RASAL2: variants seen among roughly 807,000 people sequenced by gnomAD.
RASAL2 encodes ras GTPase-activating protein nGAP.
RASAL2 carries 58 observed loss-of-function variants against 128.9 expected under a neutral mutation model. That is an observed-to-expected ratio of 0.45 (90% confidence interval 0.36 to 0.56). The LOEUF (loss-of-function observed/expected upper bound fraction) is 0.56. Ranked by LOEUF, RASAL2 falls within the 20% of genes least tolerant of loss-of-function variation. The pLI is 0.00. For missense variants in RASAL2, 1,360 were observed against 1,601.6 expected, an observed-to-expected ratio of 0.85 and a Z score of 2.57; for synonymous variants, 561 against 580.8, an observed-to-expected ratio of 0.97 and a Z score of 0.49.
chr1:178,101,021 C>T (rs1307884527), intron 1 of RASAL2, among the ~76,000 whole-genome samples: 2 of 152,146 alleles, frequency 1.3e-5, no homozygotes, highest in Non-Finnish European at 2.9e-5. Context: ...CACCTTTCTT[C>T]CCAAAGGCTG....
chr1:178,469,684 T>C (rs141789299), intron 17 of RASAL2, among the ~76,000 whole-genome samples: 2 of 152,300 alleles, frequency 1.3e-5, no homozygotes, highest in Admixed American at 1.3e-4. Context: ...ATGGTTTGGT[T>C]CTCTGGACTA....
chr1:178,242,465 CTCTCTCTCTCTCTCTCTT>C (rs1558135936), intron 1 of RASAL2, among the ~76,000 whole-genome samples: 1 of 89,864 alleles, frequency 1.1e-5, no homozygotes, highest in Non-Finnish European at 2.5e-5. Flanking sequence ...CTCTCTCTCT[CTCTCTCTCTCTCTCTCTT>C]TCATCTCTCT....
At chr1:178,228,563 G>A (rs1352683919) in intron 1 of RASAL2, among the ~76,000 whole-genome samples, 3 of 152,124 alleles carry the variant, frequency 2.0e-5, no homozygotes, top group African/African-American at 7.2e-5. Flanking sequence ...GTAACAGAGC[G>A]AGACTCCGTC....
intron 2 of RASAL2, among the ~76,000 whole-genome samples, chr1:178,290,422 C>T (rs189980991): frequency 2.1e-3 from 322 of 152,124 alleles, no homozygotes; most frequent in South Asian, 0.012. Flanking sequence ...ATAATTGATG[C>T]GGTGCTTTTC....
Position 178,180,663 on chromosome 1 carries a change from T to TCACACACACACACACACACACACA in RASAL2, c.202+85975_202+85998dup, listed in dbSNP as rs3979280. ...GCCTGGGTGATGGAGCGAGACTGTCTCACACACACACACACACACACACAC... is the reference window on the plus strand; with the variant it reads ...GCCTGGGTGATGGAGCGAGACTGTCTCACACACACACACACACACACACACACACACACACACACACACACACAC... On this transcript the variant is annotated intron_variant, in intron 1 of 17. Transcript: ENST00000367649. 4.5e-3 allele frequency among the ~76,000 whole-genome samples: 632 copies of TCACACACACACACACACACACACA among 139,172 alleles called. 3 individuals carry two copies. Among genetic ancestry groups the TCACACACACACACACACACACACA allele is most frequent in the African/African-American group, 8.2e-3 (302 of 36,916 alleles). 91.3% of individuals were successfully genotyped at this position (139,172 alleles called of 152,430 possible). A position where few individuals can be genotyped will look rare whatever the true frequency, so the allele number is the denominator to read the frequency against.
intron 4 of RASAL2, among the ~76,000 whole-genome samples, chr1:178,412,566 A>G (rs1674461819): frequency 1.3e-5 from 2 of 152,216 alleles, no homozygotes; most frequent in African/African-American, 2.4e-5. Context: ...ACTCTGTGCA[A>G]TCTTAACCTT....
intron 3 of RASAL2, among the ~76,000 whole-genome samples, chr1:178,353,826 G>C (rs1231649926): frequency 6.6e-6 from 1 of 152,124 alleles, no homozygotes; most frequent in Non-Finnish European, 1.5e-5. Context: ...AATTATACAA[G>C]GGTGTGGTGG....
intron 7 of RASAL2, 25 bp from the exon 8 acceptor site, chr1:178,442,650 A>G (rs1676739976): frequency 6.4e-7 from 1 of 1,555,516 alleles, no homozygotes; most frequent in African/African-American, 1.4e-5. Context: ...CAGCTCTGAA[A>G]TTCAGCTTTG....
At chr1:178,317,390 TG>T (rs1241371702) in intron 3 of RASAL2, among the ~76,000 whole-genome samples, 3 of 146,214 alleles carry the variant, frequency 2.1e-5, no homozygotes, top group African/African-American at 7.8e-5. Flanking sequence ...CTTGTACCTC[TG>T]GTAGAATTCG....
chr1:178,194,500 T>G (rs1662594587), intron 1 of RASAL2: 1 of 169,804 alleles, frequency 5.9e-6, no homozygotes, highest in Admixed American at 5.8e-5. Context: ...CCGGTAATGA[T>G]GAATTTCTCT....
In RASAL2 at chr1:178,458,296, C is replaced by T. The variant is rs199878912; in HGVS notation, c.3004C>T (p.Arg1002Ter). 10 of 1,614,096 alleles carry T rather than the reference C, an allele frequency of 6.2e-6. No homozygotes were observed. The highest frequency in any genetic ancestry group is 1.6e-4 in the Middle Eastern group (1 of 6,084). Residue 1002 changes from arginine to a stop codon, truncating the protein, a stop_gained, in exon 14 of 18, where the codon CGA (arginine) becomes TGA (stop). Coordinates refer to ENST00000367649, the MANE Select transcript of RASAL2 (RefSeq NM_170692.4). LOFTEE classifies it high-confidence loss of function. ...TAGACACATACCTCTTGCTTTGCCACGACAAAATAGTACTGGGCAGGCCCA... is the reference window on the plus strand; with the variant it reads ...TAGACACATACCTCTTGCTTTGCCATGACAAAATAGTACTGGGCAGGCCCA... ...PDRHIPLALP[R>*]QNSTGQAQIR...
chr1:178,124,911 T>C (rs746053443), intron 1 of RASAL2, among the ~76,000 whole-genome samples: 1 of 152,208 alleles, frequency 6.6e-6, no homozygotes, highest in African/African-American at 2.4e-5. Context: ...TGGTAGAATT[T>C]CCTTTCTCCA....
chr1:178,294,257 G>A (rs1346533387), intron 2 of RASAL2, among the ~76,000 whole-genome samples: 1 of 152,134 alleles, frequency 6.6e-6, no homozygotes, highest in African/African-American at 2.4e-5. Flanking sequence ...CACTGAGAAT[G>A]ATGTTCAGGT....
intron 3 of RASAL2, among the ~76,000 whole-genome samples, chr1:178,349,011 G>A (rs992022876): frequency 6.6e-6 from 1 of 150,790 alleles, no homozygotes; most frequent in Non-Finnish European, 1.5e-5. Context: ...GTGTTAGCCA[G>A]GATGATCTTG....
chr1:178,310,888 A>G (rs1309461571), intron 3 of RASAL2, among the ~76,000 whole-genome samples: 1 of 152,176 alleles, frequency 6.6e-6, no homozygotes, highest in African/African-American at 2.4e-5. Flanking sequence ...AGTCATTTGT[A>G]TAGGCTATTG....
intron 3 of RASAL2, among the ~76,000 whole-genome samples, chr1:178,380,722 A>AT (rs2102560360): frequency 6.6e-6 from 1 of 152,342 alleles, no homozygotes; most frequent in African/African-American, 2.4e-5. Context: ...TTATAAAAAC[A>AT]TTGTGAGAGA....
chr1:178,430,624 A>G (rs1369303067), intron 5 of RASAL2, among the ~76,000 whole-genome samples: 1 of 152,148 alleles, frequency 6.6e-6, no homozygotes, highest in Non-Finnish European at 1.5e-5. Flanking sequence ...ATGTGAAATT[A>G]TAGATTACTG....
intron 1 of RASAL2, among the ~76,000 whole-genome samples, chr1:178,271,198 C>T (rs1666237676): frequency 6.6e-6 from 1 of 152,194 alleles, no homozygotes; most frequent in Non-Finnish European, 1.5e-5. Flanking sequence ...TTCAAGGATT[C>T]TGTGGTTTAA....
chr1:178,406,535 A>C (rs1262235143), intron 4 of RASAL2, among the ~76,000 whole-genome samples: 1 of 152,212 alleles, frequency 6.6e-6, no homozygotes, highest in Admixed American at 6.5e-5. Flanking sequence ...GTCAAGCTGT[A>C]CATTGAAAAA....
Sources: allele counts gnomAD v4.1 joint callset (sites outside exome capture counted in the v4.1 genomes callset), GRCh38; gene constraint gnomAD v4.1.1; transcripts MANE v1.5; gene names NCBI Gene and HGNC (gene_info 2026-07-23, HGNC 2026-07-21).